Variants in SLC10A7 observed in about 807,000 individuals in gnomAD.
SLC10A7 encodes the protein solute carrier family 10 member 7.
Under a neutral mutation model 43.2 loss-of-function variants are expected in SLC10A7, and 29 were observed. That is an observed-to-expected ratio of 0.67 (90% confidence interval 0.50 to 0.92). The LOEUF (loss-of-function observed/expected upper bound fraction) is 0.92, where lower values mean the gene tolerates loss of function less well. Ranked by LOEUF, SLC10A7 falls within the 40% of genes least tolerant of loss-of-function variation. SLC10A7 has a pLI of 0.00. For missense variants in SLC10A7, 295 were observed against 403.2 expected, an observed-to-expected ratio of 0.73 and a Z score of 2.30; for synonymous variants, 152 against 144.8, an observed-to-expected ratio of 1.05 and a Z score of -0.35.
intron 4 of SLC10A7, among the ~76,000 whole-genome samples, chr4:146,468,970 T>C (rs916168721): frequency 1.3e-5 from 2 of 152,124 alleles, no homozygotes; most frequent in Non-Finnish European, 2.9e-5. Flanking sequence ...CAAACTTGTA[T>C]GAAGAAGGTC....
intron 5 of SLC10A7, among the ~76,000 whole-genome samples, chr4:146,380,972 G>A (rs544700183): frequency 8.5e-5 from 13 of 152,052 alleles, no homozygotes; most frequent in East Asian, 7.7e-4. Flanking sequence ...AAGAAATGCC[G>A]GCCATCATTT....
chr4:146,407,436 A>G (rs1579107383), intron 5 of SLC10A7, among the ~76,000 whole-genome samples: 1 of 152,324 alleles, frequency 6.6e-6, no homozygotes, highest in East Asian at 1.9e-4. Context: ...TGAAGTACAC[A>G]ATACTGTATT....
At chr4:146,455,318 A>G (rs1731951452) in intron 4 of SLC10A7, among the ~76,000 whole-genome samples, 1 of 151,822 alleles carries the variant, frequency 6.6e-6, no homozygotes. Context: ...TTTCTGATCA[A>G]TTAATGGAAG....
At chr4:146,447,659 A>C (rs1172158754) in intron 4 of SLC10A7, among the ~76,000 whole-genome samples, 1 of 151,994 alleles carries the variant, frequency 6.6e-6, no homozygotes, top group African/African-American at 2.4e-5. Flanking sequence ...TAATTAGATC[A>C]ATCCTAGCTA....
chr4:146,395,728 ATT>A (rs1157556549), intron 5 of SLC10A7, among the ~76,000 whole-genome samples: 1 of 152,152 alleles, frequency 6.6e-6, no homozygotes, highest in Non-Finnish European at 1.5e-5. Context: ...ATATATATAT[ATT>A]ACACAATTAC....
intron 5 of SLC10A7, among the ~76,000 whole-genome samples, chr4:146,431,019 T>C (rs1415007006): frequency 6.6e-6 from 1 of 152,136 alleles, no homozygotes; most frequent in Non-Finnish European, 1.5e-5. Flanking sequence ...ATAAGAATAT[T>C]TTACTATTAA....
chr4:146,476,040 G>C (rs569760807), intron 4 of SLC10A7, among the ~76,000 whole-genome samples: 1 of 152,240 alleles, frequency 6.6e-6, no homozygotes, highest in South Asian at 2.1e-4. Context: ...AAATCAGAAC[G>C]CTTCCTGAAA....
intron 4 of SLC10A7, among the ~76,000 whole-genome samples, chr4:146,499,216 A>G (rs1177307047): frequency 2.0e-5 from 3 of 152,220 alleles, no homozygotes; most frequent in African/African-American, 7.2e-5. Context: ...ATACACCATC[A>G]AGAACATTTT....
chr4:146,351,425 T>G (rs1254814840), intron 5 of SLC10A7, among the ~76,000 whole-genome samples: 1 of 151,968 alleles, frequency 6.6e-6, no homozygotes, highest in Non-Finnish European at 1.5e-5. Context: ...TACCTGAAAG[T>G]GATGTGGAGA....
At position 146,387,868 on chromosome 4, in the gene SLC10A7, G is replaced by C. The variant is rs1738126275; in HGVS notation, c.435+54915C>G. Among the ~76,000 whole-genome samples the C allele has an allele frequency of 5.9e-5, 9 of 152,010 alleles. No individual in the cohort carries two copies. In the South Asian group the frequency reaches 1.9e-3, roughly 32 times the overall value. On this transcript the variant is annotated intron_variant, in intron 5 of 11. Coordinates refer to ENST00000335472, the MANE Select transcript of SLC10A7 (RefSeq NM_001029998.6). ...AATACCTAGGGATACATTTATCTAA[G>C]GAGGCAAAAGATCTCTACAAGGACA...
intron 7 of SLC10A7, among the ~76,000 whole-genome samples, chr4:146,301,774 G>T (rs1007204213): frequency 3.3e-5 from 5 of 152,130 alleles, no homozygotes; most frequent in Non-Finnish European, 5.9e-5. Context: ...TTCTAGATGT[G>T]GAGACAGGGT....
intron 3 of SLC10A7, among the ~76,000 whole-genome samples, chr4:146,507,221 T>A (rs1736996577): frequency 6.6e-6 from 1 of 152,188 alleles, no homozygotes; most frequent in Admixed American, 6.5e-5. Context: ...TCCCTAATGA[T>A]CCAGTTTGAA....
At position 146,445,518 on chromosome 4, in the gene SLC10A7, A is replaced by G. The variant is rs76454939; in HGVS notation, c.397-2697T>C. 2.4e-3 allele frequency among the ~76,000 whole-genome samples: 360 copies of G among 152,256 alleles called. 3 individuals are homozygous for G. Among genetic ancestry groups the G allele is most frequent in the African/African-American group, 8.2e-3 (342 of 41,552 alleles). On this transcript the variant is annotated intron_variant, in intron 4 of 11. Transcript: ENST00000335472. ...GGGGTGTCTGTGACCCTCGAAGCCCAAGAAGACGTGTGTTACAATCACTGC... is the reference window on the plus strand; with the variant it reads ...GGGGTGTCTGTGACCCTCGAAGCCCGAGAAGACGTGTGTTACAATCACTGC...
intron 5 of SLC10A7, among the ~76,000 whole-genome samples, chr4:146,412,435 A>G (rs1728263560): frequency 6.6e-6 from 1 of 152,160 alleles, no homozygotes; most frequent in Non-Finnish European, 1.5e-5. Flanking sequence ...ACATTTATAA[A>G]GCACACAAAT....
Position 146,290,099 on chromosome 4 carries a change from C to T in SLC10A7, c.773+2830G>A, listed in dbSNP as rs547019394. On this transcript the variant is annotated intron_variant, in intron 9 of 11. Transcript: ENST00000335472. ...CAGCACTTTGGGAGGCCAAGGTGGG[C>T]GGATCACAAGGTCAGGAGATCCAGA... 5.3e-4 allele frequency among the ~76,000 whole-genome samples: 80 copies of T among 149,940 alleles called. 1 individual carries two copies. Among genetic ancestry groups the T allele is most frequent in the East Asian group, 2.8e-3 (14 of 4,934 alleles).
chr4:146,481,552 G>C (rs1430459892), intron 4 of SLC10A7, among the ~76,000 whole-genome samples: 2 of 152,208 alleles, frequency 1.3e-5, no homozygotes, highest in Non-Finnish European at 1.5e-5. Flanking sequence ...GCTGTGCTCT[G>C]TTCCCTGGGC....
Position 146,465,408 on chromosome 4 carries a change from G to A in SLC10A7, c.397-22587C>T, listed in dbSNP as rs192288455. ...AGGTTTACAGGCACAATGTTATTCT[G>A]GCAGCCTTTTGAAAAACTGCTTTTT... On this transcript the variant is annotated intron_variant, in intron 4 of 11. Transcript: ENST00000335472. Among the ~76,000 whole-genome samples the A allele has an allele frequency of 1.7e-3, 264 of 152,088 alleles. 2 individuals are homozygous for A. Among genetic ancestry groups the A allele is most frequent in the Admixed American group, 0.012 (184 of 15,266 alleles).
At chr4:146,259,375 A>G (rs2356940) in intron 10 of SLC10A7, among the ~76,000 whole-genome samples, 88,504 of 152,044 alleles carry the variant, frequency 0.58, 26,281 homozygotes, top group East Asian at 0.82. Context: ...GTTCCCTTTC[A>G]GCCAAGGATC....
chr4:146,275,898 T>C (rs763557921), intron 10 of SLC10A7, among the ~76,000 whole-genome samples: 1 of 151,952 alleles, frequency 6.6e-6, no homozygotes, highest in Non-Finnish European at 1.5e-5. Flanking sequence ...TCAGAGCACC[T>C]TGCATGAGAG....
Sources: gnomAD v4.1 joint callset for allele counts (sites outside exome capture counted in the v4.1 genomes callset) on GRCh38, gnomAD v4.1.1 for gene constraint, MANE v1.5 for transcripts, NCBI Gene and HGNC (gene_info 2026-07-23, HGNC 2026-07-21) for gene names.